CCDC172: variants seen among roughly 807,000 people sequenced by gnomAD.
CCDC172 encodes coiled-coil domain containing 172, also known as coiled-coil domain-containing protein 172.
Under a neutral mutation model 38.0 loss-of-function variants are expected in CCDC172, and 30 were observed. The ratio of observed to expected loss-of-function variants is 0.79; its 90% CI spans 0.59 to 1.07. The LOEUF is 1.07. Among genes scored for constraint, CCDC172 ranks in the 50% least tolerant of loss-of-function variants. The pLI, the probability that CCDC172 is intolerant of heterozygous loss-of-function variation, is 0.00. For synonymous variants in CCDC172, 78 were observed against 88.3 expected, an observed-to-expected ratio of 0.88 and a Z score of 0.66; for missense variants, 297 against 290.1, an observed-to-expected ratio of 1.02 and a Z score of -0.17.
chr10:116,378,608 A>G (rs1484596585), intron 8 of CCDC172, 98 bp downstream of exon 8: 1 of 850,630 alleles, frequency 1.2e-6, no homozygotes, highest in African/African-American at 1.8e-5. Flanking sequence ...CTAGTGTTTA[A>G]TCCCTCTGCA....
At chr10:116,340,891 T>G in intron 4 of CCDC172, 41 bp downstream of exon 4, 2 of 1,040,530 alleles carry the variant, frequency 1.9e-6, no homozygotes, top group Middle Eastern at 2.3e-4. Flanking sequence ...TTCACTAATA[T>G]GTAAAAAAGT....
intron 3 of CCDC172, among the ~76,000 whole-genome samples, chr10:116,336,638 A>G (rs1220709179): frequency 1.3e-5 from 2 of 151,884 alleles, no homozygotes; most frequent in Non-Finnish European, 2.9e-5. Flanking sequence ...ATTTTTCCCA[A>G]TTGTTATGGT....
intron 5 of CCDC172, among the ~76,000 whole-genome samples, chr10:116,346,656 GA>G (rs71010078): frequency 4.9e-4 from 72 of 148,336 alleles, no homozygotes; most frequent in African/African-American, 1.5e-3. Flanking sequence ...TTAAAATTAA[GA>G]AAAAAAAAAG....
At chr10:116,348,830 G>T (rs55761417) in intron 5 of CCDC172, among the ~76,000 whole-genome samples, 218 of 152,118 alleles carry the variant, frequency 1.4e-3, no homozygotes, top group African/African-American at 5.0e-3. Flanking sequence ...CCTCAGGACC[G>T]TTGACTGTGT....
At chr10:116,335,595 A>G (rs992021672) in intron 3 of CCDC172, among the ~76,000 whole-genome samples, 5 of 152,080 alleles carry the variant, frequency 3.3e-5, no homozygotes, top group Admixed American at 2.0e-4. Flanking sequence ...TGATGTCTTT[A>G]TAACTCTGAG....
intron 5 of CCDC172, among the ~76,000 whole-genome samples, chr10:116,350,905 A>C (rs1194209328): frequency 6.6e-6 from 1 of 152,200 alleles, no homozygotes; most frequent in Non-Finnish European, 1.5e-5. Context: ...TGTAAATAAA[A>C]ATAACAATAA....
chr10:116,340,266 G>A (rs1466478823), intron 3 of CCDC172, among the ~76,000 whole-genome samples: 2 of 151,782 alleles, frequency 1.3e-5, no homozygotes, highest in Admixed American at 6.6e-5. Flanking sequence ...CTATAATCAT[G>A]GGACTGGGTT....
At chr10:116,376,172 A>G (rs553746061) in intron 7 of CCDC172, among the ~76,000 whole-genome samples, 1 of 152,218 alleles carries the variant, frequency 6.6e-6, no homozygotes, top group Non-Finnish European at 1.5e-5. Flanking sequence ...TGTGGCACAT[A>G]TACACCATGG....
intron 7 of CCDC172, among the ~76,000 whole-genome samples, 157 bp from the exon 8 acceptor site, chr10:116,378,266 T>C (rs1231001618): frequency 6.6e-6 from 1 of 152,230 alleles, no homozygotes; most frequent in Non-Finnish European, 1.5e-5. Context: ...CAAAATTTTA[T>C]ATAGTCTTTA....
intron 7 of CCDC172, among the ~76,000 whole-genome samples, chr10:116,368,336 T>C (rs1845147938): frequency 2.0e-5 from 3 of 152,096 alleles, no homozygotes; most frequent in Admixed American, 2.0e-4. Flanking sequence ...GGCTGCAAAA[T>C]GGTAATTTCT....
At chr10:116,333,145 G>A (rs1002263195) in intron 3 of CCDC172, among the ~76,000 whole-genome samples, 13 of 151,854 alleles carry the variant, frequency 8.6e-5, no homozygotes, top group Non-Finnish European at 1.2e-4. Context: ...GCTCTTCACT[G>A]TAATCTTTTG....
At chr10:116,375,947 A>G (rs1468617762) in intron 7 of CCDC172, among the ~76,000 whole-genome samples, 1 of 152,200 alleles carries the variant, frequency 6.6e-6, no homozygotes, top group Non-Finnish European at 1.5e-5. Context: ...TAGTTCAACC[A>G]TTGTGGAAGA....
intron 5 of CCDC172, among the ~76,000 whole-genome samples, chr10:116,348,953 C>T (rs1005167681): frequency 6.6e-6 from 1 of 152,078 alleles, no homozygotes; most frequent in East Asian, 1.9e-4. Flanking sequence ...AGGTGAGTGG[C>T]GGGTGAGTGA....
At chr10:116,332,630 C>T (rs948311403) in intron 3 of CCDC172, among the ~76,000 whole-genome samples, 1 of 152,016 alleles carries the variant, frequency 6.6e-6, no homozygotes, top group Non-Finnish European at 1.5e-5. Flanking sequence ...TTGAAGTCAA[C>T]CTGGTTTTTA....
chr10:116,371,712 C>G (rs1845187414), intron 7 of CCDC172, among the ~76,000 whole-genome samples: 1 of 152,010 alleles, frequency 6.6e-6, no homozygotes, highest in Admixed American at 6.6e-5. Context: ...TTCATTTCAG[C>G]TATGGTTACT....
chr10:116,374,495 T>A (rs898930464), intron 7 of CCDC172, among the ~76,000 whole-genome samples: 2 of 151,874 alleles, frequency 1.3e-5, no homozygotes, highest in Admixed American at 1.3e-4. Flanking sequence ...CATAGGTATA[T>A]ATATATATAG....
chr10:116,355,303 T>A, intron 5 of CCDC172, among the ~76,000 whole-genome samples: 1 of 152,200 alleles, frequency 6.6e-6, no homozygotes, highest in East Asian at 1.9e-4. Context: ...ACACAAATGC[T>A]TATTACGGTG....
intron 7 of CCDC172, among the ~76,000 whole-genome samples, chr10:116,369,933 A>T (rs1365552507): frequency 6.6e-6 from 1 of 151,888 alleles, no homozygotes; most frequent in Admixed American, 6.6e-5. Flanking sequence ...CATGTGTAGT[A>T]TATTTGCAAC....
chr10:116,338,800 T>A (rs1471335582), intron 3 of CCDC172, among the ~76,000 whole-genome samples: 1 of 152,150 alleles, frequency 6.6e-6, no homozygotes, highest in East Asian at 1.9e-4. Flanking sequence ...TTAAGTCTCA[T>A]TTAGAAATCC....
Sources: allele counts gnomAD v4.1 joint callset (sites outside exome capture counted in the v4.1 genomes callset), GRCh38; gene constraint gnomAD v4.1.1; transcripts MANE v1.5; gene names NCBI Gene and HGNC (gene_info 2026-07-23, HGNC 2026-07-21).